Variants in GRID2 observed in about 807,000 individuals in gnomAD.
The protein encoded by GRID2 is glutamate receptor ionotropic, delta-2.
GRID2 carries 33 observed loss-of-function variants against 114.8 expected under a neutral mutation model. The observed-to-expected ratio is 0.29, with a 90% CI of 0.22 to 0.38. The LOEUF (loss-of-function observed/expected upper bound fraction) is 0.38, where lower values mean the gene tolerates loss of function less well. Ranked by LOEUF, GRID2 falls within the 10% of genes least tolerant of loss-of-function variation. The pLI, the probability that GRID2 is intolerant of heterozygous loss-of-function variation, is 1.00. For synonymous variants in GRID2, 505 were observed against 449.9 expected (o/e 1.12, Z -1.55); for missense variants, 1,184 against 1,257.7 (o/e 0.94, Z 0.89).
At chr4:93,767,136 G>A (rs565651858) in intron 14 of GRID2, among the ~76,000 whole-genome samples, 1 of 152,156 alleles carries the variant, frequency 6.6e-6, no homozygotes, top group African/African-American at 2.4e-5. Context: ...AATGAGAGAA[G>A]GGGAATGAAG....
intron 2 of GRID2, among the ~76,000 whole-genome samples, chr4:93,038,072 G>C (rs920464778): frequency 4.6e-5 from 7 of 152,120 alleles, no homozygotes; most frequent in Non-Finnish European, 1.0e-4. Context: ...TCACAGTGTT[G>C]ATTTTTCCTA....
intron 2 of GRID2, among the ~76,000 whole-genome samples, chr4:92,646,586 A>G (rs985946925): frequency 2.8e-4 from 42 of 152,180 alleles, no homozygotes; most frequent in Admixed American, 2.2e-3. Flanking sequence ...TTTATAACCC[A>G]TCCGGAATTA....
intron 2 of GRID2, among the ~76,000 whole-genome samples, chr4:92,705,162 C>T (rs1296857687): frequency 6.6e-6 from 1 of 151,920 alleles, no homozygotes; most frequent in South Asian, 2.1e-4. Context: ...TTTCTAATAA[C>T]ATTAACTTTT....
At chr4:92,375,674 A>C (rs1729321238) in intron 1 of GRID2, among the ~76,000 whole-genome samples, 1 of 152,110 alleles carries the variant, frequency 6.6e-6, no homozygotes, top group South Asian at 2.1e-4. Context: ...GAGATGTTGG[A>C]AATATCACAA....
exon 2 of GRID2, chr4:93,809,136 A>T (rs1473972854): frequency 1.3e-5 from 2 of 152,126 alleles, no homozygotes; most frequent in African/African-American, 4.8e-5. Context: ...TTACATACAC[A>T]CAAACACACA....
chr4:92,436,942 A>G (rs1219274104), intron 1 of GRID2, among the ~76,000 whole-genome samples: 3 of 152,212 alleles, frequency 2.0e-5, no homozygotes, highest in East Asian at 3.8e-4. Flanking sequence ...TGTACTAAAT[A>G]CAATAGTATA....
intron 2 of GRID2, among the ~76,000 whole-genome samples, chr4:92,632,736 GGGAAGAAGTGAAGGAAGGGAA>G (rs1270591980): frequency 4.1e-5 from 6 of 147,900 alleles, no homozygotes; most frequent in African/African-American, 1.2e-4. Context: ...AGGGAAGGAA[GGGAAGAAGTGAAGGAAGGGAA>G]GGAAGAAGTG....
Position 92,445,554 on chromosome 4 carries a change from A to T in GRID2, c.88+140810A>T, listed in dbSNP as rs542083355. Among the ~76,000 whole-genome samples the T allele has an allele frequency of 8.7e-4, 132 of 152,344 alleles. 1 individual carries two copies. Among genetic ancestry groups the T allele is most frequent in the African/African-American group, 3.0e-3 (124 of 41,582 alleles). ...ACAGTTTTGGTATTCAAAAGGAGCA[A>T]TGGTGGAAATCCAACAATAAATATG... is the stretch of plus-strand genomic sequence containing the variant. On this transcript the variant is annotated intron_variant, in intron 1 of 15. Transcript: ENST00000282020.
rs538253863 is a variant in GRID2 at position 93,672,125 on chromosome 4, T to C, written c.2360+45690T>C. On this transcript the variant is annotated intron_variant, in intron 14 of 15. Transcript: ENST00000282020. ...CCCTCACTACCAGTTGAGGAGTTTA[T>C]AGAGTCAAGGGGATAGATCCAGCAG... Among the ~76,000 whole-genome samples, 11 of 152,318 alleles carry C rather than the reference T, an allele frequency of 7.2e-5. No homozygotes were observed. The South Asian group carries it at 1.0e-3, about 14-fold the overall frequency.
chr4:93,117,030 A>T (rs9996056), intron 4 of GRID2, among the ~76,000 whole-genome samples: 68,913 of 151,936 alleles, frequency 0.45, 16,211 homozygotes, highest in Admixed American at 0.6. Context: ...TTGTTATTAT[A>T]TTCACTTATG....
At chr4:92,951,405 G>T (rs191191064) in intron 2 of GRID2, among the ~76,000 whole-genome samples, 1 of 151,786 alleles carries the variant, frequency 6.6e-6, no homozygotes, top group African/African-American at 2.4e-5. Context: ...AGGCTGTGCA[G>T]TGGCGCAGTC....
chr4:93,154,022 T>A (rs1056054783), intron 4 of GRID2, among the ~76,000 whole-genome samples: 5 of 152,092 alleles, frequency 3.3e-5, no homozygotes, highest in African/African-American at 1.2e-4. Context: ...AAATGATCCC[T>A]AAACTGCCAT....
rs148843783 is a variant in GRID2 at position 92,803,641 on chromosome 4, G to A, written c.244+213355G>A. On this transcript the variant is annotated intron_variant, in intron 2 of 15. Coordinates refer to ENST00000282020, the MANE Select transcript of GRID2 (RefSeq NM_001510.4). The stretch of plus-strand genomic sequence containing the variant: ...TAAGTTCAGTGAAAAGATTTTCAGA[G>A]CATTTTATTTTTGCTTCTATCTGGA... 2.0e-5 allele frequency among the ~76,000 whole-genome samples: 3 copies of A among 151,930 alleles called. No homozygotes were observed. The South Asian group carries it at 6.2e-4, about 31-fold the overall frequency.
intron 2 of GRID2, among the ~76,000 whole-genome samples, chr4:92,603,931 GA>G (rs1291019193): frequency 4.0e-5 from 6 of 151,858 alleles, no homozygotes; most frequent in Non-Finnish European, 5.9e-5. Context: ...CCAAAAACAT[GA>G]AAAAAAGCTC....
chr4:92,698,229 G>C (rs1344411989), intron 2 of GRID2, among the ~76,000 whole-genome samples: 3 of 152,174 alleles, frequency 2.0e-5, no homozygotes, highest in East Asian at 1.9e-4. Flanking sequence ...TTAATGTTCT[G>C]ATTTCAGCAA....
chr4:92,807,548 C>G (rs76382874), intron 2 of GRID2, among the ~76,000 whole-genome samples: 3,461 of 151,880 alleles, frequency 0.023, 97 homozygotes, highest in East Asian at 0.12. Context: ...ATATTTTATA[C>G]ACATAATAAA....
At chr4:92,529,759 C>G (rs1725237180) in intron 1 of GRID2, among the ~76,000 whole-genome samples, 1 of 152,126 alleles carries the variant, frequency 6.6e-6, no homozygotes, top group African/African-American at 2.4e-5. Flanking sequence ...TTAGGACCAT[C>G]TCTTCAATAG....
At chr4:92,557,795 A>G (rs1726929005) in intron 1 of GRID2, among the ~76,000 whole-genome samples, 1 of 152,068 alleles carries the variant, frequency 6.6e-6, no homozygotes, top group Non-Finnish European at 1.5e-5. Flanking sequence ...ACTGAAACAC[A>G]AAGGCATCAG....
intron 2 of GRID2, among the ~76,000 whole-genome samples, chr4:92,694,141 T>C (rs947232020): frequency 3.9e-5 from 6 of 152,148 alleles, no homozygotes; most frequent in Non-Finnish European, 5.9e-5. Flanking sequence ...TGGACAAAGC[T>C]AGACTGAAGA....
Sources: gnomAD v4.1 joint callset for allele counts (sites outside exome capture counted in the v4.1 genomes callset) on GRCh38, gnomAD v4.1.1 for gene constraint, MANE v1.5 for transcripts, NCBI Gene and HGNC (gene_info 2026-07-23, HGNC 2026-07-21) for gene names.